Variants in RAD51B observed in about 807,000 individuals in gnomAD.
RAD51B encodes the protein DNA repair protein RAD51 homolog 2.
A neutral mutation model predicts 42.2 loss-of-function variants in RAD51B; 38 were observed. The ratio of observed to expected loss-of-function variants is 0.90; its 90% CI spans 0.70 to 1.18. RAD51B has a LOEUF of 1.18. RAD51B is among the 50% of genes most tolerant of loss of function. The pLI is 0.00. For missense variants in RAD51B, 373 were observed against 400.7 expected (o/e 0.93, Z 0.59); for synonymous variants, 154 against 145.2 (o/e 1.06, Z -0.43).
Position 68,425,185 on chromosome 14 carries a change from C to A in RAD51B, c.957+13658C>A, listed in dbSNP as rs1226037961. The stretch of plus-strand genomic sequence containing the variant: ...AAGGCCAAGTATTTTCAAAGAAAAC[C>A]CACTGAGATAAGTTGGATGAGTGAC... On this transcript the variant is annotated intron_variant, in intron 9 of 10. Coordinates refer to ENST00000471583, the MANE Select transcript of RAD51B (RefSeq NM_133510.4). Among the ~76,000 whole-genome samples, 13 of 152,238 alleles carry A rather than the reference C, an allele frequency of 8.5e-5. No individual in the cohort carries two copies. In the South Asian group the frequency reaches 1.7e-3, roughly 19 times the overall value.
At chr14:67,894,369 T>C (rs1192465139) in intron 7 of RAD51B, among the ~76,000 whole-genome samples, 1 of 152,224 alleles carries the variant, frequency 6.6e-6, no homozygotes, top group Non-Finnish European at 1.5e-5. Flanking sequence ...TGTTACTGCC[T>C]GAACCCTCCT....
intron 8 of RAD51B, among the ~76,000 whole-genome samples, chr14:68,362,678 T>G (rs1033576526): frequency 3.0e-4 from 46 of 151,896 alleles, no homozygotes; most frequent in African/African-American, 1.1e-3. Context: ...TGAAACCCCG[T>G]CTCTACTAAA....
At chr14:68,657,730 G>A (rs891643644) in intron 11 of RAD51B, among the ~76,000 whole-genome samples, 13 of 152,266 alleles carry the variant, frequency 8.5e-5, no homozygotes, top group African/African-American at 2.2e-4. Context: ...AGTGTGTGGA[G>A]GATTTGACAG....
At chr14:67,864,002 C>G (rs34019467) in intron 4 of RAD51B, among the ~76,000 whole-genome samples, 12,814 of 150,748 alleles carry the variant, frequency 0.085, 778 homozygotes, top group Non-Finnish European at 0.13. Context: ...CTTACTATGG[C>G]GGAACAGGAG....
intron 7 of RAD51B, among the ~76,000 whole-genome samples, chr14:67,922,778 A>G (rs1218195990): frequency 1.4e-5 from 2 of 143,032 alleles, no homozygotes; most frequent in East Asian, 4.0e-4. Context: ...TACAACCTCC[A>G]CCTCCCGGGT....
intron 10 of RAD51B, among the ~76,000 whole-genome samples, chr14:68,606,516 T>C (rs1051924654): frequency 6.6e-6 from 1 of 152,232 alleles, no homozygotes; most frequent in Non-Finnish European, 1.5e-5. Flanking sequence ...TGTTGACTTT[T>C]TTTCCTCCAA....
intron 7 of RAD51B, 53 bp downstream of exon 7, chr14:67,887,257 T>C: frequency 7.1e-7 from 1 of 1,411,116 alleles, no homozygotes; most frequent in Non-Finnish European, 9.8e-7. Flanking sequence ...GTTTCTTTTA[T>C]ATTACATTCA....
chr14:67,986,073 A>G (rs922051148), intron 7 of RAD51B, among the ~76,000 whole-genome samples: 1 of 152,106 alleles, frequency 6.6e-6, no homozygotes, highest in African/African-American at 2.4e-5. Flanking sequence ...GGTGCACACA[A>G]TGTGCACGTA....
At chr14:68,279,930 C>A (rs937089023) in intron 7 of RAD51B, among the ~76,000 whole-genome samples, 1 of 152,234 alleles carries the variant, frequency 6.6e-6, no homozygotes, top group African/African-American at 2.4e-5. Flanking sequence ...CCTGTGAACT[C>A]CTATTCCAGA....
At chr14:68,472,180 G>C (rs970968085) in intron 10 of RAD51B, 1 of 152,542 alleles carries the variant, frequency 6.6e-6, no homozygotes, top group Admixed American at 6.5e-5. Flanking sequence ...AGAAGCATCT[G>C]GCAGCAGAAA....
intron 4 of RAD51B, among the ~76,000 whole-genome samples, chr14:67,840,523 A>G (rs1406007141): frequency 6.6e-6 from 1 of 151,654 alleles, no homozygotes; most frequent in Non-Finnish European, 1.5e-5. Context: ...TTCTTTATCT[A>G]CTCTACCATG....
chr14:67,903,685 A>G (rs1194096537), intron 7 of RAD51B, among the ~76,000 whole-genome samples: 1 of 152,128 alleles, frequency 6.6e-6, no homozygotes, highest in Non-Finnish European at 1.5e-5. Context: ...AACTTCTTCT[A>G]CAACTGAGGA....
rs536649403 is a variant in RAD51B at position 68,525,935 on chromosome 14, A to G, written c.1036+57685A>G. 4.6e-5 allele frequency among the ~76,000 whole-genome samples: 7 copies of G among 152,252 alleles called. No individual in the cohort carries two copies. In the South Asian group the frequency reaches 1.5e-3, roughly 32 times the overall value. The stretch of plus-strand genomic sequence containing the variant: ...GATTTACAATTTTCTTCTGTCCTCC[A>G]CCATTCCATCACATGAACATCCAAG... On this transcript the variant is annotated intron_variant, in intron 10 of 10. Coordinates refer to the RAD51B transcript ENST00000487270.
Position 67,907,313 on chromosome 14 carries a change from G to A in RAD51B, c.756+20109G>A, listed in dbSNP as rs537007745. ...TGCTCTTGTTTTTTTGGTTTCTCTAGGTGTGATGTTAGGTTGTTAATTTGA... is the reference window on the plus strand; with the variant it reads ...TGCTCTTGTTTTTTTGGTTTCTCTAAGTGTGATGTTAGGTTGTTAATTTGA... On this transcript the variant is annotated intron_variant, in intron 7 of 10. Coordinates refer to ENST00000471583, the MANE Select transcript of RAD51B (RefSeq NM_133510.4). 2.3e-3 allele frequency among the ~76,000 whole-genome samples: 343 copies of A among 151,798 alleles called. 5 individuals carry two copies. Among genetic ancestry groups the A allele is most frequent in the African/African-American group, 7.7e-3 (320 of 41,320 alleles).
chr14:67,986,528 T>C (rs1373160022), intron 7 of RAD51B, among the ~76,000 whole-genome samples: 4 of 152,234 alleles, frequency 2.6e-5, no homozygotes, highest in African/African-American at 7.2e-5. Context: ...TTTTTCCATA[T>C]ACAGAGTCCC....
chr14:68,303,156 C>T (rs1294128299), intron 8 of RAD51B, among the ~76,000 whole-genome samples: 3 of 152,144 alleles, frequency 2.0e-5, no homozygotes, highest in Non-Finnish European at 2.9e-5. Flanking sequence ...AAAGGATGAG[C>T]TCATGTCCTT....
chr14:68,522,779 G>A (rs1046281613), intron 10 of RAD51B, among the ~76,000 whole-genome samples: 2 of 152,168 alleles, frequency 1.3e-5, no homozygotes, highest in African/African-American at 4.8e-5. Flanking sequence ...GGACTTGGGA[G>A]GAACTGTGGG....
chr14:68,265,216 T>A (rs2080966545), intron 7 of RAD51B, among the ~76,000 whole-genome samples: 1 of 152,246 alleles, frequency 6.6e-6, no homozygotes, highest in African/African-American at 2.4e-5. Flanking sequence ...ACTAGAATTA[T>A]AATAGCAGAG....
intron 7 of RAD51B, among the ~76,000 whole-genome samples, chr14:67,977,679 GCTT>G (rs146896616): frequency 0.04 from 6,073 of 152,268 alleles, 197 homozygotes; most frequent in Admixed American, 0.11. Flanking sequence ...TTTTGTGTTA[GCTT>G]CTTCTTGTTA....
Sources: gnomAD v4.1 joint callset for allele counts (sites outside exome capture counted in the v4.1 genomes callset) on GRCh38, gnomAD v4.1.1 for gene constraint, MANE v1.5 for transcripts, NCBI Gene and HGNC (gene_info 2026-07-23, HGNC 2026-07-21) for gene names.